The following ITPR2 variants were observed in gnomAD, a reference collection of about 807,000 sequenced individuals.
The protein encoded by ITPR2 is inositol 1,4,5-trisphosphate-gated calcium channel ITPR2.
A neutral mutation model predicts 317.1 loss-of-function variants in ITPR2; 207 were observed. The observed-to-expected ratio is 0.65, with a 90% confidence interval of 0.58 to 0.73. ITPR2 has a LOEUF of 0.73. ITPR2 is among the 30% of genes least tolerant of loss of function. The pLI, the probability that ITPR2 is intolerant of heterozygous loss-of-function variation, is 0.00. For missense variants in ITPR2, 2,613 were observed against 3,284.0 expected (o/e 0.80, Z 4.99); for synonymous variants, 1,156 against 1,149.1 (o/e 1.01, Z -0.12).
chr12:26,412,212 C>T (rs1461383758), intron 51 of ITPR2, among the ~76,000 whole-genome samples: 1 of 152,234 alleles, frequency 6.6e-6, no homozygotes, highest in East Asian at 1.9e-4. Context: ...CCAGCAATGC[C>T]ACACCATGAT....
intron 51 of ITPR2, among the ~76,000 whole-genome samples, 183 bp downstream of exon 51, chr12:26,415,120 G>T (rs1392262859): frequency 6.6e-6 from 1 of 151,968 alleles, no homozygotes; most frequent in Non-Finnish European, 1.5e-5. Flanking sequence ...TATACACATT[G>T]ACAGCTAATA....
Position 26,596,683 on chromosome 12 carries a change from G to A in ITPR2, c.4254+200C>T, listed in dbSNP as rs116693941. ...AAAAAAAAAAGTTTATCATCTTGCA[G>A]AACTTCTTATAGAACTTCTTATTAA... On this transcript the variant is annotated intron_variant, in intron 31 of 56. Coordinates refer to ENST00000381340, the MANE Select transcript of ITPR2 (RefSeq NM_002223.4). 4.4e-3 allele frequency among the ~76,000 whole-genome samples: 654 copies of A among 148,936 alleles called. 1 individual carries two copies. The highest frequency in any genetic ancestry group is 0.015 in the African/African-American group (614 of 40,466).
chr12:26,781,503 C>T (rs1338062025), intron 2 of ITPR2, among the ~76,000 whole-genome samples: 1 of 152,070 alleles, frequency 6.6e-6, no homozygotes, highest in Non-Finnish European at 1.5e-5. Flanking sequence ...GGGATTGGTA[C>T]ATTTCCGGTT....
intron 45 of ITPR2, among the ~76,000 whole-genome samples, chr12:26,472,293 T>C (rs1942308660): frequency 6.6e-6 from 1 of 152,218 alleles, no homozygotes. Flanking sequence ...AGGACTCTTA[T>C]TTAATATTTA....
chr12:26,789,835 AACTG>A (rs1384105318), intron 2 of ITPR2, among the ~76,000 whole-genome samples: 1 of 152,242 alleles, frequency 6.6e-6, no homozygotes, highest in Non-Finnish European at 1.5e-5. Flanking sequence ...TAACATTTAT[AACTG>A]TCAGAGAAGT....
At chr12:26,390,353 C>G (rs980901786) in intron 54 of ITPR2, among the ~76,000 whole-genome samples, 5 of 152,126 alleles carry the variant, frequency 3.3e-5, no homozygotes, top group African/African-American at 1.2e-4. Context: ...GTGGAAACAA[C>G]CCCAATGTCA....
At chr12:26,828,234 G>A (rs1298010081) in intron 1 of ITPR2, among the ~76,000 whole-genome samples, 1 of 149,674 alleles carries the variant, frequency 6.7e-6, no homozygotes, top group African/African-American at 2.5e-5. Flanking sequence ...GAAGCAGAAA[G>A]TGTACAAATA....
chr12:26,352,256 C>T (rs1205194209), intron 55 of ITPR2, among the ~76,000 whole-genome samples: 1 of 152,236 alleles, frequency 6.6e-6, no homozygotes, highest in East Asian at 1.9e-4. Context: ...AGAAGCAAAA[C>T]AGTACAGAAT....
chr12:26,536,919 T>C (rs2136972436), intron 37 of ITPR2, among the ~76,000 whole-genome samples: 1 of 152,292 alleles, frequency 6.6e-6, no homozygotes, highest in South Asian at 2.1e-4. Context: ...GAGGAATCTG[T>C]CTTGAAATAA....
intron 26 of ITPR2, among the ~76,000 whole-genome samples, chr12:26,612,485 C>T (rs1273949585): frequency 6.6e-6 from 1 of 152,188 alleles, no homozygotes; most frequent in East Asian, 1.9e-4. Context: ...GTTTACAATA[C>T]ATTGCCACTA....
At chr12:26,428,818 T>G (rs1009842941) in intron 48 of ITPR2, among the ~76,000 whole-genome samples, 5 of 152,220 alleles carry the variant, frequency 3.3e-5, no homozygotes, top group Admixed American at 3.3e-4. Flanking sequence ...CACTGACATG[T>G]GCATTCAAGG....
intron 2 of ITPR2, among the ~76,000 whole-genome samples, chr12:26,768,571 T>A (rs12831454): frequency 0.53 from 51,345 of 96,930 alleles, 12,638 homozygotes; most frequent in Middle Eastern, 0.62. Flanking sequence ...CAAATATATA[T>A]AAAAAAAAAA....
intron 49 of ITPR2, among the ~76,000 whole-genome samples, chr12:26,425,981 G>A (rs919757633): frequency 6.6e-6 from 1 of 152,182 alleles, no homozygotes; most frequent in Non-Finnish European, 1.5e-5. Context: ...GTAGACATTA[G>A]AATGTTATTC....
chr12:26,464,131 G>A lies in ITPR2; in HGVS notation c.6342+11165C>T, dbSNP rs1942110011. 2.6e-5 allele frequency among the ~76,000 whole-genome samples: 4 copies of A among 152,260 alleles called. No individual in the cohort carries two copies. The South Asian group carries it at 6.2e-4, about 24-fold the overall frequency. On this transcript the variant is annotated intron_variant, in intron 45 of 56. Transcript: ENST00000381340. ...AGTCCCCAACCTTTTTGGCACCAGGGATCAGTTTTGTGGAAAGCAATTTTT... is the reference window on the plus strand; with the variant it reads ...AGTCCCCAACCTTTTTGGCACCAGGAATCAGTTTTGTGGAAAGCAATTTTT...
rs1298060088 is a variant in ITPR2, at chr12:26,600,120, A to C, written c.3679-11T>G. 6.2e-7 allele frequency: 1 copy of C among 1,604,166 alleles called. No homozygotes were observed. On this transcript the variant is annotated splice_polypyrimidine_tract_variant and intron_variant, in intron 28 of 56. Coordinates refer to ENST00000381340, the MANE Select transcript of ITPR2 (RefSeq NM_002223.4). Reference sequence around the variant, plus strand: ...CATCTTTTCATCATTCTGTAAGTTAAAGAATAGCACATGATAGAAACAAAC... The same window carrying C: ...CATCTTTTCATCATTCTGTAAGTTACAGAATAGCACATGATAGAAACAAAC...
chr12:26,595,338 A>T, intron 32 of ITPR2, 127 bp downstream of exon 32: 1 of 883,798 alleles, frequency 1.1e-6, no homozygotes, highest in East Asian at 2.7e-5. Flanking sequence ...AAATTTATTC[A>T]CAACTTTATG....
chr12:26,553,603 G>A (rs1031874415), intron 36 of ITPR2, among the ~76,000 whole-genome samples: 4 of 151,974 alleles, frequency 2.6e-5, no homozygotes, highest in African/African-American at 7.2e-5. Context: ...TGGCTAACAC[G>A]GTGAAACCCT....
intron 24 of ITPR2, chr12:26,623,542 G>A (rs1242054247): frequency 1.3e-5 from 2 of 152,216 alleles, no homozygotes; most frequent in African/African-American, 4.8e-5. Context: ...TCATACGCAT[G>A]TATATATAGG....
At chr12:26,817,327 A>T (rs1950876384) in intron 1 of ITPR2, among the ~76,000 whole-genome samples, 1 of 152,218 alleles carries the variant, frequency 6.6e-6, no homozygotes. Flanking sequence ...AAATGTGAGC[A>T]AACAAAAGAG....
Sources: allele counts gnomAD v4.1 joint callset (sites outside exome capture counted in the v4.1 genomes callset), GRCh38; gene constraint gnomAD v4.1.1; transcripts MANE v1.5; gene names NCBI Gene and HGNC (gene_info 2026-07-23, HGNC 2026-07-21).